The following ADGRL4 variants were observed in gnomAD, a reference collection of about 807,000 sequenced individuals.
ADGRL4 encodes the protein EGF, latrophilin and seven transmembrane domain containing 1.
A neutral mutation model predicts 74.8 loss-of-function variants in ADGRL4; 90 were observed. That is an observed-to-expected ratio of 1.20 (90% CI 1.02 to 1.43). ADGRL4 has a LOEUF of 1.43. Among genes scored for constraint, ADGRL4 ranks in the 40% most tolerant of loss-of-function variants. The pLI is 0.00. For missense variants in ADGRL4, 881 were observed against 814.3 expected (o/e 1.08, Z -1.00); for synonymous variants, 311 against 279.2 (o/e 1.11, Z -1.14).
At chr1:78,943,076 A>G (rs980625491) in intron 3 of ADGRL4, among the ~76,000 whole-genome samples, 1 of 152,294 alleles carries the variant, frequency 6.6e-6, no homozygotes. Flanking sequence ...TCAATAATAC[A>G]GTTTTCTAAT....
chr1:78,984,026 T>C (rs1266941100), intron 2 of ADGRL4, among the ~76,000 whole-genome samples: 1 of 151,618 alleles, frequency 6.6e-6, no homozygotes, highest in African/African-American at 2.4e-5. Context: ...CATGAAGGAA[T>C]GACAAGAAGA....
At chr1:78,969,771 G>A (rs2130194) in intron 2 of ADGRL4, among the ~76,000 whole-genome samples, 148,136 of 151,536 alleles carry the variant, frequency 0.98, 72,497 homozygotes, top group East Asian at 1. Flanking sequence ...AAAACTTATC[G>A]TACATTTGTC....
At chr1:78,921,453 A>G (rs998070969) in intron 9 of ADGRL4, among the ~76,000 whole-genome samples, 160 bp downstream of exon 9, 1 of 149,990 alleles carries the variant, frequency 6.7e-6, no homozygotes, top group African/African-American at 2.5e-5. Context: ...AGGTAGGAAA[A>G]CAGACAGAAA....
intron 7 of ADGRL4, among the ~76,000 whole-genome samples, chr1:78,929,806 C>T (rs1163104926): frequency 6.6e-6 from 1 of 151,432 alleles, no homozygotes; most frequent in Non-Finnish European, 1.5e-5. Flanking sequence ...TATAACAAAG[C>T]TACCGTACAA....
At chr1:78,954,955 G>A (rs1649799083) in intron 2 of ADGRL4, among the ~76,000 whole-genome samples, 1 of 151,942 alleles carries the variant, frequency 6.6e-6, no homozygotes, top group Non-Finnish European at 1.5e-5. Context: ...CATCAGATAG[G>A]GGAAAAGTTT....
chr1:78,930,690 C>T (rs1347366166), intron 7 of ADGRL4, among the ~76,000 whole-genome samples: 1 of 151,020 alleles, frequency 6.6e-6, no homozygotes, highest in African/African-American at 2.5e-5. Flanking sequence ...ACCTCATGAT[C>T]CACCCACTTT....
intron 2 of ADGRL4, among the ~76,000 whole-genome samples, chr1:79,002,405 C>A (rs975416810): frequency 2.0e-5 from 3 of 151,954 alleles, no homozygotes; most frequent in Non-Finnish European, 4.4e-5. Context: ...AGAAGTTGAA[C>A]ATGTATGATA....
At chr1:78,991,684 T>G (rs1219390750) in intron 2 of ADGRL4, among the ~76,000 whole-genome samples, 2 of 151,932 alleles carry the variant, frequency 1.3e-5, no homozygotes, top group Non-Finnish European at 1.5e-5. Context: ...AACTCCTAAA[T>G]AAATTGAAAG....
chr1:78,944,485 ATGT>A (rs1389497171), intron 3 of ADGRL4, among the ~76,000 whole-genome samples: 1 of 152,196 alleles, frequency 6.6e-6, no homozygotes, highest in Non-Finnish European at 1.5e-5. Context: ...TTTCCTGAGA[ATGT>A]TGTTATGCTA....
At chr1:78,913,767 A>G (rs1318252590) in intron 12 of ADGRL4, among the ~76,000 whole-genome samples, 2 of 151,910 alleles carry the variant, frequency 1.3e-5, no homozygotes, top group Non-Finnish European at 2.9e-5. Flanking sequence ...GTACCCTTGA[A>G]CTTAAAATAA....
chr1:78,915,978 AC>A (rs1275638731), intron 12 of ADGRL4, among the ~76,000 whole-genome samples: 1 of 151,712 alleles, frequency 6.6e-6, no homozygotes, highest in Non-Finnish European at 1.5e-5. Flanking sequence ...AAGTAGACTG[AC>A]CCCCTGGTTA....
intron 8 of ADGRL4, among the ~76,000 whole-genome samples, chr1:78,923,935 TA>T (rs1380913307): frequency 2.0e-5 from 3 of 151,844 alleles, no homozygotes; most frequent in African/African-American, 7.2e-5. Context: ...GAAAATTCCC[TA>T]AAACTGAAGA....
In ADGRL4 at chr1:78,889,984, A is replaced by C. The variant is rs1648231605; in HGVS notation, c.*1170T>G. ...TATATATTTAAGCAGATATGATTTA[A>C]TAGATAGTAGAAAACTGTCAGAAAA... is the stretch of plus-strand genomic sequence containing the variant. On this transcript the variant is annotated 3_prime_UTR_variant, in exon 15 of 15. Coordinates refer to ENST00000370742, the MANE Select transcript of ADGRL4 (RefSeq NM_022159.4). 4.0e-6 allele frequency: 1 copy of C among 249,284 alleles called. No homozygotes were observed. Among genetic ancestry groups the C allele is most frequent in the Non-Finnish European group, 8.6e-6 (1 of 115,836 alleles). The allele number at this position is 249,284 out of a possible 1,614,324, so 15.4% of individuals were successfully genotyped here.
chr1:78,895,821 A>G (rs1028499131), intron 12 of ADGRL4, among the ~76,000 whole-genome samples: 1 of 152,078 alleles, frequency 6.6e-6, no homozygotes, highest in South Asian at 2.1e-4. Context: ...GTTTTGTTCA[A>G]TAATTATTTA....
intron 2 of ADGRL4, among the ~76,000 whole-genome samples, chr1:78,985,771 A>G (rs896638852): frequency 1.3e-5 from 2 of 151,864 alleles, no homozygotes; most frequent in African/African-American, 4.8e-5. Context: ...CATGGAATTA[A>G]CCTAAATGCT....
intron 2 of ADGRL4, among the ~76,000 whole-genome samples, chr1:78,954,134 A>G (rs1333790937): frequency 6.6e-6 from 1 of 152,128 alleles, no homozygotes; most frequent in Non-Finnish European, 1.5e-5. Flanking sequence ...CAACAAGAGC[A>G]AAACTCCATT....
At chr1:78,940,139 C>T (rs1361720012) in intron 3 of ADGRL4, among the ~76,000 whole-genome samples, 2 of 151,954 alleles carry the variant, frequency 1.3e-5, no homozygotes, top group African/African-American at 2.4e-5. Context: ...TTAAGAAACA[C>T]ATTTAAACTT....
intron 3 of ADGRL4, among the ~76,000 whole-genome samples, chr1:78,943,747 A>G (rs1649539271): frequency 6.6e-6 from 1 of 152,222 alleles, no homozygotes; most frequent in South Asian, 2.1e-4. Flanking sequence ...GGACTGAAAT[A>G]AAAAGAAATA....
At chr1:79,002,110 C>G (rs1233252830) in intron 2 of ADGRL4, among the ~76,000 whole-genome samples, 2 of 151,980 alleles carry the variant, frequency 1.3e-5, no homozygotes, top group Non-Finnish European at 2.9e-5. Flanking sequence ...TTCCACTTAA[C>G]GTTAATTCCG....
Sources: gnomAD v4.1 joint callset for allele counts (sites outside exome capture counted in the v4.1 genomes callset) on GRCh38, gnomAD v4.1.1 for gene constraint, MANE v1.5 for transcripts, NCBI Gene and HGNC (gene_info 2026-07-23, HGNC 2026-07-21) for gene names.